Variants in HK1 observed in about 807,000 individuals in gnomAD.
The protein encoded by HK1 is hexokinase-1.
HK1 carries 28 observed loss-of-function variants against 91.6 expected under a neutral mutation model. The ratio of observed to expected loss-of-function variants is 0.31; its 90% CI spans 0.23 to 0.42. The LOEUF (loss-of-function observed/expected upper bound fraction) is 0.42. Among genes scored for constraint, HK1 ranks in the 10% least tolerant of loss-of-function variants. HK1 has a pLI of 1.00. For synonymous variants in HK1, 430 were observed against 468.1 expected, an observed-to-expected ratio of 0.92 and a Z score of 1.05; for missense variants, 770 against 1,219.8, an observed-to-expected ratio of 0.63 and a Z score of 5.49.
At chr10:69,399,623 G>A (rs903933571) in intron 17 of HK1, among the ~76,000 whole-genome samples, 112 of 152,240 alleles carry the variant, frequency 7.4e-4, no homozygotes, top group South Asian at 6.2e-4. Context: ...ATGGCAGGGA[G>A]GGGTAGGGAG....
intron 7 of HK1, among the ~76,000 whole-genome samples, chr10:69,370,856 C>T (rs1195315253): frequency 3.3e-5 from 5 of 152,156 alleles, no homozygotes; most frequent in Admixed American, 3.3e-4. Context: ...ATTGCTTTCT[C>T]TGAGCCACTT....
At chr10:69,307,907 C>T (rs1006365504) in intron 5 of HK1, among the ~76,000 whole-genome samples, 6 of 151,950 alleles carry the variant, frequency 3.9e-5, no homozygotes, top group African/African-American at 1.5e-4. Flanking sequence ...GGCACGATCT[C>T]GGCTCATGGC....
At chr10:69,398,241 T>C (rs1178005463) in intron 16 of HK1, among the ~76,000 whole-genome samples, 1 of 152,250 alleles carries the variant, frequency 6.6e-6, no homozygotes, top group Non-Finnish European at 1.5e-5. Flanking sequence ...GATAAGGCTG[T>C]GGGAAATTGC....
intron 1 of HK1, among the ~76,000 whole-genome samples, chr10:69,322,381 C>A (rs949560896): frequency 6.6e-6 from 1 of 152,058 alleles, no homozygotes; most frequent in Non-Finnish European, 1.5e-5. Flanking sequence ...GTCTGACTTC[C>A]CAGTTTGGAA....
chr10:69,326,949 TACTG>T (rs928149454), intron 1 of HK1, among the ~76,000 whole-genome samples: 3 of 152,174 alleles, frequency 2.0e-5, no homozygotes, highest in Admixed American at 6.5e-5. Context: ...AATGGTGCTA[TACTG>T]ACTATGTGTT....
At chr10:69,317,876 A>C (rs1846731630), upstream of HK1, among the ~76,000 whole-genome samples, 1 of 152,226 alleles carries the variant, frequency 6.6e-6, no homozygotes, top group African/African-American at 2.4e-5. Flanking sequence ...AGAAATAATT[A>C]ATCTAAGAAT....
intron 1 of HK1, among the ~76,000 whole-genome samples, chr10:69,334,771 T>C (rs1026249121): frequency 6.6e-6 from 1 of 152,110 alleles, no homozygotes; most frequent in African/African-American, 2.4e-5. Flanking sequence ...GGACCATGCA[T>C]GTGTCCCTGC....
chr10:69,300,957 A>T, intron 5 of HK1: 1 of 724,926 alleles, frequency 1.4e-6, no homozygotes, highest in Non-Finnish European at 2.4e-6. Context: ...TACATAAATC[A>T]ATTGTAGCCA....
chr10:69,396,389 G>A lies in HK1; in HGVS notation c.2375+1284G>A, dbSNP rs371939717. Among the ~76,000 whole-genome samples the A allele has an allele frequency of 4.0e-5, 6 of 151,360 alleles. No homozygotes were observed. The East Asian group carries it at 1.2e-3, about 29-fold the overall frequency. ...AAAATGGTTTTTAAGTATACAGTTC[G>A]GTGACATTAAGTACATTCACATAGT... On this transcript the variant is annotated intron_variant, in intron 16 of 17. Transcript: ENST00000359426.
rs776649544 is a variant in HK1, at chr10:69,392,215, G to C, written c.2126G>C (p.Trp709Ser). 9 of 1,614,052 alleles carry C rather than the reference G, an allele frequency of 5.6e-6. No individual in the cohort carries two copies. The highest frequency in any genetic ancestry group is 1.7e-5 in the Admixed American group (1 of 60,002). The change falls in exon 15 of 18, where the codon TGG becomes TCG. Residue 709 changes from tryptophan (W) to serine (S), a missense_variant. This residue lies in a region of HK1 where 152 missense variants were observed against 211.1 expected (regional missense o/e 0.72). Coordinates refer to ENST00000359426, the MANE Select transcript of HK1 (RefSeq NM_000188.3). ...GGGCAGATGTGCATCAACATGGAGT[G>C]GGGGGCCTTTGGGGACAACGGGTGT... ...DQGQMCINME[W>S]GAFGDNGCLD...
At chr10:69,382,140 A>G (rs1839416875) in intron 9 of HK1, among the ~76,000 whole-genome samples, 1 of 152,240 alleles carries the variant, frequency 6.6e-6, no homozygotes, top group African/African-American at 2.4e-5. Context: ...CTGTAATCCC[A>G]GCACTTGGGA....
chr10:69,386,506 A>G (rs1839637325), intron 13 of HK1, 88 bp downstream of exon 13: 2 of 1,087,122 alleles, frequency 1.8e-6, no homozygotes, highest in Non-Finnish European at 2.7e-6. Flanking sequence ...AATTCAGGCC[A>G]GGCGTGGTGG....
At position 69,382,808 on chromosome 10, in the gene HK1, G is replaced by T; in HGVS notation, c.1570+17G>T. 2 of 1,606,512 alleles carry T rather than the reference G, an allele frequency of 1.2e-6. No homozygotes were observed. The highest frequency in any genetic ancestry group is 1.7e-6 in the Non-Finnish European group (2 of 1,177,606). On this transcript the variant is annotated intron_variant, in intron 10 of 17. Coordinates refer to ENST00000359426, the MANE Select transcript of HK1 (RefSeq NM_000188.3). ...ACGGGACCGGTGAGGGCCTGCTGGG[G>T]GCTGACATGCCTGTCCTGCTCCTGC...
intron 13 of HK1, 93 bp from the exon 14 acceptor site, chr10:69,389,104 G>T: frequency 1.1e-6 from 1 of 892,708 alleles, no homozygotes; most frequent in Non-Finnish European, 1.8e-6. Flanking sequence ...ATGACCAGTG[G>T]CTCTCTGACT....
chr10:69,323,029 C>T (rs1365921916), intron 1 of HK1, among the ~76,000 whole-genome samples: 4 of 151,862 alleles, frequency 2.6e-5, no homozygotes, highest in Non-Finnish European at 5.9e-5. Flanking sequence ...AGGTGAATCA[C>T]GAAGTCAGGA....
chr10:69,396,488 A>G (rs554023468), intron 16 of HK1, among the ~76,000 whole-genome samples: 16 of 150,810 alleles, frequency 1.1e-4, no homozygotes, highest in African/African-American at 3.9e-4. Context: ...CGCAGCAAAC[A>G]CTAACTCCAC....
chr10:69,380,446 C>T lies in HK1; in HGVS notation c.1265+351C>T, dbSNP rs963650758. On this transcript the variant is annotated intron_variant, in intron 9 of 17. Coordinates refer to ENST00000359426, the MANE Select transcript of HK1 (RefSeq NM_000188.3). This position sits in a 1 kb window ranked among gnomAD's most constrained non-coding sequence, Gnocchi z 4.0. ...TTGCTTCTGCACTCTGTCGTTACCT[C>T]GCCCTGTCAAAAGTCGAGATGGAGA... 4.6e-5 allele frequency among the ~76,000 whole-genome samples: 7 copies of T among 152,312 alleles called. No homozygotes were observed. Among genetic ancestry groups the T allele is most frequent in the Non-Finnish European group, 7.3e-5 (5 of 68,034 alleles).
chr10:69,311,847 G>A (rs1358476713), upstream of HK1, among the ~76,000 whole-genome samples: 1 of 152,158 alleles, frequency 6.6e-6, no homozygotes, highest in African/African-American at 2.4e-5. Flanking sequence ...ATATTGGCCA[G>A]GCTGGTCTAG....
chr10:69,298,315 T>A (rs1174637351), intron 4 of HK1, among the ~76,000 whole-genome samples: 1 of 151,834 alleles, frequency 6.6e-6, no homozygotes, highest in Non-Finnish European at 1.5e-5. Flanking sequence ...CAAGTGGTTT[T>A]AAAAGATTTC....
Sources: allele counts gnomAD v4.1 joint callset (sites outside exome capture counted in the v4.1 genomes callset), GRCh38; gene constraint gnomAD v4.1.1; regional missense constraint gnomAD v4.1.1; non-coding constraint Gnocchi (gnomAD v3.1); transcripts MANE v1.5; gene names NCBI Gene and HGNC (gene_info 2026-07-23, HGNC 2026-07-21).